Variants in TRIM62 observed in about 807,000 individuals in gnomAD.
TRIM62 encodes the protein tripartite motif containing 62.
TRIM62 carries 39 observed loss-of-function variants against 44.2 expected under a neutral mutation model. That is an observed-to-expected ratio of 0.88 (90% CI 0.68 to 1.15). The LOEUF is 1.15. TRIM62 is among the 50% of genes most tolerant of loss of function. TRIM62 has a pLI of 0.00. For missense variants in TRIM62, 544 were observed against 665.5 expected, an observed-to-expected ratio of 0.82 and a Z score of 2.01; for synonymous variants, 278 against 292.3, an observed-to-expected ratio of 0.95 and a Z score of 0.50.
intron 4 of TRIM62, among the ~76,000 whole-genome samples, chr1:33,151,135 A>G (rs1645091307): frequency 6.6e-6 from 1 of 152,006 alleles, no homozygotes; most frequent in Admixed American, 6.5e-5. Flanking sequence ...GAGGGAGACA[A>G]GGGGGCTCTC....
chr1:33,166,689 T>G (rs1425793151), intron 1 of TRIM62, among the ~76,000 whole-genome samples: 1 of 152,150 alleles, frequency 6.6e-6, no homozygotes, highest in Non-Finnish European at 1.5e-5. Flanking sequence ...ACCATGATCT[T>G]GATGCCAGGT....
intron 4 of TRIM62, among the ~76,000 whole-genome samples, chr1:33,150,083 G>T (rs1014411527): frequency 2.0e-5 from 3 of 152,246 alleles, no homozygotes; most frequent in African/African-American, 7.2e-5. Flanking sequence ...TCTGCTCCCT[G>T]AGGGAGCTGA....
rs1005142654 is a variant in TRIM62 at position 33,159,334 on chromosome 1, A to G, written c.761+354T>C. On this transcript the variant is annotated intron_variant, in intron 3 of 4. Transcript: ENST00000291416. The surrounding 1 kb of genome is among the most constrained non-coding windows in gnomAD (Gnocchi z 4.2). ...CTATTAAATGCTACCTACTATCTATAATGTATACAGAATATATTACATATA... is the reference window on the plus strand; with the variant it reads ...CTATTAAATGCTACCTACTATCTATGATGTATACAGAATATATTACATATA... Among the ~76,000 whole-genome samples, 2 of 152,094 alleles carry G rather than the reference A, an allele frequency of 1.3e-5. No homozygotes were observed. Among genetic ancestry groups the G allele is most frequent in the African/African-American group, 2.4e-5 (1 of 41,416 alleles).
intron 4 of TRIM62, 113 bp downstream of exon 4, chr1:33,158,140 C>A: frequency 1.1e-6 from 1 of 919,612 alleles, no homozygotes; most frequent in Non-Finnish European, 1.7e-6. Context: ...AGGTGCTCAG[C>A]AAGGCACTCT....
In TRIM62 at chr1:33,167,417, TC is replaced by T. The variant is rs1158542908; in HGVS notation, c.409-1852del. 6.6e-6 allele frequency among the ~76,000 whole-genome samples: 1 copy of T among 152,214 alleles called. No homozygotes were observed. The highest frequency in any genetic ancestry group is 1.5e-5 in the Non-Finnish European group (1 of 68,036). ...ATAAATGGGTTGTGGAGGTGAGTGCTCCCTAGCACAGGGTCCAGCTGTCTGC... is the reference window on the plus strand; with the variant it reads ...ATAAATGGGTTGTGGAGGTGAGTGCTCCTAGCACAGGGTCCAGCTGTCTGC... On this transcript the variant is annotated intron_variant, in intron 1 of 4. Coordinates refer to ENST00000291416, the MANE Select transcript of TRIM62 (RefSeq NM_018207.3). The surrounding 1 kb of genome is among the most constrained non-coding windows in gnomAD (Gnocchi z 4.2).
rs908453941 is a variant in TRIM62 at position 33,161,507 on chromosome 1, G to T, written c.505-1563C>A. Among the ~76,000 whole-genome samples, 1 of 152,154 alleles carries T rather than the reference G, an allele frequency of 6.6e-6. No individual in the cohort carries two copies. Among genetic ancestry groups the T allele is most frequent in the Non-Finnish European group, 1.5e-5 (1 of 68,024 alleles). Reference sequence around the variant, plus strand: ...AATTAGGGCCTGTTCCCTCCCCGACGCGCGGCTGCTGGCCTGCAGGAAGAA... The same window carrying T: ...AATTAGGGCCTGTTCCCTCCCCGACTCGCGGCTGCTGGCCTGCAGGAAGAA... On this transcript the variant is annotated intron_variant, in intron 2 of 4. Coordinates refer to ENST00000291416, the MANE Select transcript of TRIM62 (RefSeq NM_018207.3). This position sits in a 1 kb window ranked among gnomAD's most constrained non-coding sequence, Gnocchi z 4.3.
chr1:33,147,051 A>G lies in TRIM62; in HGVS notation c.*126T>C, dbSNP rs1570278594. 1.0e-6 allele frequency: 1 copy of G among 961,970 alleles called. No homozygotes were observed. The highest frequency in any genetic ancestry group is 2.5e-4 in the Middle Eastern group (1 of 3,956). 59.6% of individuals were successfully genotyped at this position (961,970 alleles called of 1,614,324 possible). A position where few individuals can be genotyped will look rare whatever the true frequency, so the allele number is the denominator to read the frequency against. On this transcript the variant is annotated 3_prime_UTR_variant, in exon 5 of 5. Transcript: ENST00000291416. This position sits in a 1 kb window ranked among gnomAD's most constrained non-coding sequence, Gnocchi z 8.1. ...CTCCATTTTACAGACTGGAGGCTGG[A>G]GGGTAAACAACTGGCCTGAGGTCTC... is the stretch of plus-strand genomic sequence containing the variant.
In TRIM62 at chr1:33,159,718, A is replaced by G. The variant is rs1208830741; in HGVS notation, c.731T>C (p.Phe244Ser). The change falls in exon 3 of 5, where the codon TTC (phenylalanine) becomes TCC (serine). Residue 244 changes from phenylalanine (F) to serine (S), a missense_variant. Phe to Ser is a radical substitution (Grantham distance 155). Coordinates refer to ENST00000291416, the MANE Select transcript of TRIM62 (RefSeq NM_018207.3). This position sits in a 1 kb window ranked among gnomAD's most constrained non-coding sequence, Gnocchi z 4.2. ...ERLAETDRHT[F>S]LAGVASLSER... The stretch of plus-strand genomic sequence containing the variant: ...GGACAGTGAGGCCACCCCAGCCAGG[A>G]AGGTGTGCCGGTCGGTTTCAGCCAG... The G allele has an allele frequency of 6.2e-7, 1 of 1,610,970 alleles. No homozygotes were observed. Among genetic ancestry groups the G allele is most frequent in the Non-Finnish European group, 8.5e-7 (1 of 1,179,198 alleles).
intron 1 of TRIM62, among the ~76,000 whole-genome samples, 185 bp downstream of exon 1, chr1:33,180,840 C>T (rs1645454875): frequency 6.6e-6 from 1 of 151,016 alleles, no homozygotes; most frequent in Non-Finnish European, 1.5e-5. Context: ...CACGGCCCCG[C>T]CATGCGGCGG....
In TRIM62 at chr1:33,181,067, C is replaced by T. The variant is rs539254578; in HGVS notation, c.366G>A (p.Gln122=). 2.4e-5 allele frequency: 38 copies of T among 1,598,598 alleles called. No individual in the cohort carries two copies. The highest frequency in any genetic ancestry group is 8.4e-5 in the Admixed American group (5 of 59,816). ...CGTCGTCGATGCCGGTGACCTGATG[C>T]TGCTCGTGCAGTGCAGGCTCGTCGC... The part of the protein sequence containing the change: ...FFCDEPALHE[Q]HQVTGIDDAF... Residue 122 remains glutamine (Q), a synonymous_variant, in exon 1 of 5, where the codon CAG becomes CAA. Coordinates refer to ENST00000291416, the MANE Select transcript of TRIM62 (RefSeq NM_018207.3). The surrounding 1 kb of genome is among the most constrained non-coding windows in gnomAD (Gnocchi z 6.5).
At chr1:33,173,419 G>A (rs1483707937) in intron 1 of TRIM62, among the ~76,000 whole-genome samples, 2 of 152,098 alleles carry the variant, frequency 1.3e-5, no homozygotes, top group Non-Finnish European at 2.9e-5. Context: ...GCTTGTGTGC[G>A]CATGCATGTG....
At chr1:33,164,251 C>G (rs1227823377) in intron 2 of TRIM62, 2 of 152,290 alleles carry the variant, frequency 1.3e-5, no homozygotes, top group Admixed American at 1.3e-4. Context: ...GGGTTGGTGG[C>G]CAAGCTGGGG....
chr1:33,178,473 G>A (rs186056711), intron 1 of TRIM62, among the ~76,000 whole-genome samples: 5 of 152,268 alleles, frequency 3.3e-5, no homozygotes, highest in East Asian at 1.9e-4. Flanking sequence ...CCTCCTTCTC[G>A]GGCCAGAGAG....
chr1:33,168,717 A>C (rs1216924103), intron 1 of TRIM62, among the ~76,000 whole-genome samples: 1 of 152,208 alleles, frequency 6.6e-6, no homozygotes, highest in Admixed American at 6.5e-5. Context: ...TTGTTTGCCT[A>C]AGAGAGTAGA....
At position 33,159,307 on chromosome 1, in the gene TRIM62, C is replaced by T. The variant is rs2124729854; in HGVS notation, c.761+381G>A. ...AATATATTTATATTATGATTGTAAA[C>T]ACTATTAAATGCTACCTACTATCTA... On this transcript the variant is annotated intron_variant, in intron 3 of 4. Coordinates refer to ENST00000291416, the MANE Select transcript of TRIM62 (RefSeq NM_018207.3). The surrounding 1 kb of genome is among the most constrained non-coding windows in gnomAD (Gnocchi z 4.2). Among the ~76,000 whole-genome samples the T allele has an allele frequency of 6.6e-6, 1 of 151,968 alleles. No individual in the cohort carries two copies. The highest frequency in any genetic ancestry group is 2.1e-4 in the South Asian group (1 of 4,802).
In TRIM62 at chr1:33,161,780, C is replaced by G. The variant is rs192784321; in HGVS notation, c.505-1836G>C. 6.6e-6 allele frequency among the ~76,000 whole-genome samples: 1 copy of G among 152,264 alleles called. No individual in the cohort carries two copies. The highest frequency in any genetic ancestry group is 1.5e-5 in the Non-Finnish European group (1 of 68,004). On this transcript the variant is annotated intron_variant, in intron 2 of 4. Coordinates refer to ENST00000291416, the MANE Select transcript of TRIM62 (RefSeq NM_018207.3). This position sits in a 1 kb window ranked among gnomAD's most constrained non-coding sequence, Gnocchi z 4.3. ...CTCCGCAGCTACTCCTCTGGCTCCT[C>G]CTAGACCACTCTGCAGCACTTAGCC...
chr1:33,157,886 A>G (rs1040094956), intron 4 of TRIM62, among the ~76,000 whole-genome samples: 2 of 151,920 alleles, frequency 1.3e-5, no homozygotes, highest in African/African-American at 4.8e-5. Context: ...CCTCTCGAGT[A>G]GCTGGGATTA....
rs201785011 is a variant in TRIM62, at chr1:33,159,834, G to A, written c.615C>T (p.Ala205=). ...TCTGCTCGATGTCGGTCAGCGTGCG[G>A]GCCGTGTCCGCCTCCAGCTCCTCTA... The part of the protein sequence containing the change: ...AMLEELEADT[A]RTLTDIEQKV... Residue 205 remains alanine, a synonymous_variant, in exon 3 of 5, where the codon GCC becomes GCT. Transcript: ENST00000291416. The surrounding 1 kb of genome is among the most constrained non-coding windows in gnomAD (Gnocchi z 4.2). 50 of 1,613,726 alleles carry A rather than the reference G, an allele frequency of 3.1e-5. No homozygotes were observed. The highest frequency in any genetic ancestry group is 4.1e-5 in the Non-Finnish European group (48 of 1,180,016).
At chr1:33,173,419 G>T (rs1483707937) in intron 1 of TRIM62, among the ~76,000 whole-genome samples, 1 of 152,098 alleles carries the variant, frequency 6.6e-6, no homozygotes, top group African/African-American at 2.4e-5. Context: ...GCTTGTGTGC[G>T]CATGCATGTG....
Sources: gnomAD v4.1 joint callset for allele counts (sites outside exome capture counted in the v4.1 genomes callset) on GRCh38, gnomAD v4.1.1 for gene constraint, Gnocchi (gnomAD v3.1) non-coding constraint, MANE v1.5 for transcripts, NCBI Gene and HGNC (gene_info 2026-07-23, HGNC 2026-07-21) for gene names.